Variants in TTC28 observed in about 807,000 individuals in gnomAD.
The protein encoded by TTC28 is tetratricopeptide repeat protein 28.
In TTC28, 61 loss-of-function variants were observed where a neutral mutation model predicts 198.0. That is an observed-to-expected ratio of 0.31 (90% CI 0.25 to 0.38). TTC28 has a LOEUF of 0.38. Ranked by LOEUF, TTC28 falls within the 10% of genes least tolerant of loss-of-function variation. The probability of loss-of-function intolerance (pLI) is 1.00; values close to 1 mark genes in which losing one functional copy is unlikely to be tolerated. For missense variants in TTC28, 2,678 were observed against 3,164.0 expected, an observed-to-expected ratio of 0.85 and a Z score of 3.69; for synonymous variants, 1,171 against 1,297.8, an observed-to-expected ratio of 0.90 and a Z score of 2.10.
At chr22:28,084,694 C>T (rs1475785713) in intron 12 of TTC28, among the ~76,000 whole-genome samples, 1 of 151,244 alleles carries the variant, frequency 6.6e-6, no homozygotes, top group Non-Finnish European at 1.5e-5. Flanking sequence ...AGGAAGGCTT[C>T]AGAAGATCAA....
intron 2 of TTC28, among the ~76,000 whole-genome samples, chr22:28,327,640 A>G (rs1008745825): frequency 2.0e-5 from 3 of 152,220 alleles, no homozygotes; most frequent in African/African-American, 7.2e-5. Context: ...AAATAAAATA[A>G]CTACCGTAAA....
intron 5 of TTC28, among the ~76,000 whole-genome samples, chr22:28,175,024 A>C (rs1349646368): frequency 2.4e-5 from 3 of 126,600 alleles, no homozygotes; most frequent in African/African-American, 1.1e-4. Flanking sequence ...GTAGTCTCTT[A>C]AAAAAAAAAA....
At chr22:28,293,877 G>A (rs962799668) in intron 5 of TTC28, among the ~76,000 whole-genome samples, 1 of 152,114 alleles carries the variant, frequency 6.6e-6, no homozygotes, top group Non-Finnish European at 1.5e-5. Context: ...TAAACAGGAG[G>A]AACAACTCAG....
intron 2 of TTC28, among the ~76,000 whole-genome samples, chr22:28,548,693 T>C (rs1422407954): frequency 6.6e-6 from 1 of 152,216 alleles, no homozygotes; most frequent in African/African-American, 2.4e-5. Flanking sequence ...AACTGCCATT[T>C]GGAAATTTGA....
At chr22:28,220,927 A>T (rs879410844) in intron 5 of TTC28, among the ~76,000 whole-genome samples, 27 of 152,194 alleles carry the variant, frequency 1.8e-4, no homozygotes, top group Non-Finnish European at 3.5e-4. Context: ...GACAGTATGG[A>T]GAGAAGGAAT....
At chr22:28,439,618 A>G (rs1193305798) in intron 2 of TTC28, among the ~76,000 whole-genome samples, 1 of 152,210 alleles carries the variant, frequency 6.6e-6, no homozygotes, top group African/African-American at 2.4e-5. Context: ...TATGTAAAAT[A>G]CAAATTATAA....
chr22:28,094,321 G>A (rs1941906571), intron 11 of TTC28, 76 bp from the exon 12 acceptor site: 1 of 1,402,968 alleles, frequency 7.1e-7, no homozygotes, highest in African/African-American at 1.4e-5. Flanking sequence ...CAGGGGACAG[G>A]AATGCCAATG....
chr22:28,415,772 C>T (rs914192666), intron 2 of TTC28, among the ~76,000 whole-genome samples: 1 of 152,218 alleles, frequency 6.6e-6, no homozygotes, highest in Non-Finnish European at 1.5e-5. Flanking sequence ...GATCACACCA[C>T]TGTATAAAAA....
chr22:28,130,585 C>A (rs1943038784), intron 6 of TTC28, among the ~76,000 whole-genome samples: 1 of 152,210 alleles, frequency 6.6e-6, no homozygotes, highest in Non-Finnish European at 1.5e-5. Flanking sequence ...GCATGAAACA[C>A]TTCTGGGTGA....
chr22:28,550,218 A>G (rs1345557834), intron 2 of TTC28, among the ~76,000 whole-genome samples: 1 of 152,132 alleles, frequency 6.6e-6, no homozygotes. Context: ...CTTTAAAAGA[A>G]TTTTTTAGGG....
chr22:28,434,196 G>A (rs2047480282), intron 2 of TTC28, among the ~76,000 whole-genome samples: 1 of 151,972 alleles, frequency 6.6e-6, no homozygotes, highest in Non-Finnish European at 1.5e-5. Flanking sequence ...CATCAATCTG[G>A]GATCATTTAG....
chr22:28,337,907 C>T (rs1023010666), intron 2 of TTC28, among the ~76,000 whole-genome samples: 2 of 152,108 alleles, frequency 1.3e-5, no homozygotes, highest in Admixed American at 1.3e-4. Context: ...TTATTTTGCT[C>T]GTTGGTTGAT....
intron 6 of TTC28, among the ~76,000 whole-genome samples, chr22:28,150,414 T>C (rs1163112491): frequency 1.3e-5 from 2 of 152,212 alleles, no homozygotes; most frequent in African/African-American, 4.8e-5. Flanking sequence ...CCTCCAAATG[T>C]CTACCTAAAA....
chr22:28,386,556 C>T (rs1297934449), intron 2 of TTC28, among the ~76,000 whole-genome samples: 2 of 152,012 alleles, frequency 1.3e-5, no homozygotes, highest in Non-Finnish European at 2.9e-5. Flanking sequence ...AAGATTCATA[C>T]CTAAAATATT....
chr22:28,078,179 T>G (rs1179671690), intron 12 of TTC28, among the ~76,000 whole-genome samples: 1 of 152,230 alleles, frequency 6.6e-6, no homozygotes, highest in Non-Finnish European at 1.5e-5. Flanking sequence ...TGTAGCATTT[T>G]ACTTCCTTTC....
At chr22:28,239,975 T>C (rs975645948) in intron 5 of TTC28, among the ~76,000 whole-genome samples, 1 of 152,174 alleles carries the variant, frequency 6.6e-6, no homozygotes, top group African/African-American at 2.4e-5. Flanking sequence ...TAAATAATTG[T>C]TTGTTGTGGG....
chr22:28,296,986 G>A (rs767298364), intron 4 of TTC28, among the ~76,000 whole-genome samples: 2 of 152,044 alleles, frequency 1.3e-5, no homozygotes, highest in Non-Finnish European at 2.9e-5. Flanking sequence ...AAATGATAAC[G>A]CATCCTAATG....
At chr22:28,255,014 C>A (rs906187694) in intron 5 of TTC28, among the ~76,000 whole-genome samples, 1 of 152,014 alleles carries the variant, frequency 6.6e-6, no homozygotes, top group Non-Finnish European at 1.5e-5. Context: ...AATTTATATA[C>A]CACAAATTAT....
At chr22:28,645,600 C>T (rs1397288944) in intron 1 of TTC28, among the ~76,000 whole-genome samples, 1 of 147,316 alleles carries the variant, frequency 6.8e-6, no homozygotes, top group Non-Finnish European at 1.5e-5. Flanking sequence ...GCACTCCAGT[C>T]TGGGCAACAG....
Sources: gnomAD v4.1 joint callset for allele counts (sites outside exome capture counted in the v4.1 genomes callset) on GRCh38, gnomAD v4.1.1 for gene constraint, MANE v1.5 for transcripts, NCBI Gene and HGNC (gene_info 2026-07-23, HGNC 2026-07-21) for gene names.